MIS18BP1: variants seen among roughly 807,000 people sequenced by gnomAD.
The protein encoded by MIS18BP1 is mis18-binding protein 1.
MIS18BP1 carries 72 observed loss-of-function variants against 116.1 expected under a neutral mutation model. The ratio of observed to expected loss-of-function variants is 0.62; its 90% CI spans 0.51 to 0.75. The LOEUF is 0.75. Ranked by LOEUF, MIS18BP1 falls within the 30% of genes least tolerant of loss-of-function variation. MIS18BP1 has a pLI of 0.00. For synonymous variants in MIS18BP1, 386 were observed against 427.0 expected, an observed-to-expected ratio of 0.90 and a Z score of 1.18; for missense variants, 1,363 against 1,303.2, an observed-to-expected ratio of 1.05 and a Z score of -0.71.
At chr14:45,233,351 T>C (rs952134938) in intron 6 of MIS18BP1, among the ~76,000 whole-genome samples, 1 of 152,044 alleles carries the variant, frequency 6.6e-6, no homozygotes, top group Non-Finnish European at 1.5e-5. Flanking sequence ...ACAGAGGCAG[T>C]AGGAAGCATG....
intron 15 of MIS18BP1, 105 bp from the exon 16 acceptor site, chr14:45,204,558 T>A (rs1391428072): frequency 2.8e-6 from 2 of 714,534 alleles, no homozygotes; most frequent in East Asian, 5.7e-5. Context: ...TTTGAACATA[T>A]GCCTATAACA....
At chr14:45,219,340 TAA>T (rs1326809468) in intron 11 of MIS18BP1, among the ~76,000 whole-genome samples, 2 of 152,254 alleles carry the variant, frequency 1.3e-5, no homozygotes, top group Non-Finnish European at 1.5e-5. Context: ...TCCTGATTTA[TAA>T]AGTCTGATGA....
At chr14:45,206,909 C>T (rs1890534441) in intron 14 of MIS18BP1, among the ~76,000 whole-genome samples, 1 of 152,120 alleles carries the variant, frequency 6.6e-6, no homozygotes, top group Non-Finnish European at 1.5e-5. Context: ...TAAAGATATG[C>T]CTGGTGATTG....
intron 11 of MIS18BP1, among the ~76,000 whole-genome samples, chr14:45,221,156 A>C (rs932734937): frequency 2.0e-5 from 3 of 149,316 alleles, no homozygotes; most frequent in African/African-American, 7.4e-5. Flanking sequence ...AAAATAAAAG[A>C]AGCCGGGCGC....
chr14:45,214,979 G>C (rs1185168483), intron 13 of MIS18BP1, among the ~76,000 whole-genome samples: 2 of 152,198 alleles, frequency 1.3e-5, no homozygotes, highest in Non-Finnish European at 2.9e-5. Context: ...GCAAACTCCT[G>C]ATCTCAGGTG....
chr14:45,232,844 A>G lies in MIS18BP1; in HGVS notation c.1349-24T>C, dbSNP rs140851833. 704 of 1,049,490 alleles carry G rather than the reference A, an allele frequency of 6.7e-4. 4 individuals carry two copies. The African/African-American group carries it at 0.01, about 15-fold the overall frequency. 65.0% of individuals were successfully genotyped at this position (1,049,490 alleles called of 1,614,324 possible). A position where few individuals can be genotyped will look rare whatever the true frequency, so the allele number is the denominator to read the frequency against. The stretch of plus-strand genomic sequence containing the variant: ...TCCTATTTAAGGATAAACAACAACA[A>G]AAAGTATTTAAAAGCCTAGAATTTT... On this transcript the variant is annotated intron_variant, in intron 6 of 16. Coordinates refer to ENST00000310806, the MANE Select transcript of MIS18BP1 (RefSeq NM_018353.5).
At chr14:45,216,349 T>C (rs758688486) in intron 13 of MIS18BP1, among the ~76,000 whole-genome samples, 3 of 152,162 alleles carry the variant, frequency 2.0e-5, no homozygotes, top group Admixed American at 6.5e-5. Context: ...CAGTGGATAT[T>C]TTAACTTATT....
At chr14:45,218,168 A>G in intron 12 of MIS18BP1, 114 bp downstream of exon 12, 1 of 1,191,252 alleles carries the variant, frequency 8.4e-7, no homozygotes, top group Non-Finnish European at 1.2e-6. Context: ...CTAGCTTTAA[A>G]ATTTTAAGAA....
chr14:45,226,193 C>T (rs920794528), intron 10 of MIS18BP1, among the ~76,000 whole-genome samples: 3 of 152,062 alleles, frequency 2.0e-5, no homozygotes, highest in African/African-American at 7.2e-5. Context: ...AATATGAACT[C>T]GGAAGTATAA....
At chr14:45,252,647 G>T (rs1891909268) in intron 1 of MIS18BP1, among the ~76,000 whole-genome samples, 1 of 152,050 alleles carries the variant, frequency 6.6e-6, no homozygotes, top group Non-Finnish European at 1.5e-5. Flanking sequence ...CAACAAGCAT[G>T]CAATTTAACC....
chr14:45,233,405 C>T (rs1169137446), intron 6 of MIS18BP1, among the ~76,000 whole-genome samples: 2 of 151,958 alleles, frequency 1.3e-5, no homozygotes, highest in Non-Finnish European at 2.9e-5. Context: ...ATAGAACTGA[C>T]CATTTACTTT....
At chr14:45,238,453 G>A (rs891817760) in intron 4 of MIS18BP1, among the ~76,000 whole-genome samples, 1 of 152,140 alleles carries the variant, frequency 6.6e-6, no homozygotes, top group East Asian at 1.9e-4. Flanking sequence ...ATTCTCCAGT[G>A]GTAGTTTTAT....
Position 45,247,068 on chromosome 14 carries a change from A to G in MIS18BP1, c.219T>C (p.Asn73=). ...CTGTTAGCATAGTTGATTGAAATAT[A>G]TTTTTATTGTTAAAAGTTGTCATTT... ...FLKMTTFNNK[N]IFQSTMLTEA... is the part of the protein sequence containing the mutation. The change falls in exon 2 of 17, where the codon AAT becomes AAC. Residue 73 remains asparagine (N), a synonymous_variant. Transcript: ENST00000310806. 1 of 1,612,836 alleles carries G rather than the reference A, an allele frequency of 6.2e-7. No individual in the cohort carries two copies. Among genetic ancestry groups the G allele is most frequent in the Non-Finnish European group, 8.5e-7 (1 of 1,179,646 alleles).
rs745308469 is a variant in MIS18BP1 at position 45,242,155 on chromosome 14, T to G, written c.1022A>C (p.Lys341Thr). The change falls in exon 4 of 17, where the codon AAA becomes ACA. Residue 341 changes from lysine to threonine, a missense_variant. Physicochemically the swap from Lys to Thr is moderately conservative, Grantham distance 78. Transcript: ENST00000310806. ...AAGTCTTGGTGTTGCAAGTACAATT[T>G]TACATGTATCTTTCATGGAACCTGG... Reference protein sequence around the residue: ...GLPGSMKDTCKIVLATPRLHI... With the variant: ...GLPGSMKDTCTIVLATPRLHI... 6.2e-7 allele frequency: 1 copy of G among 1,614,024 alleles called. No homozygotes were observed. Among genetic ancestry groups the G allele is most frequent in the Non-Finnish European group, 8.5e-7 (1 of 1,180,016 alleles).
intron 8 of MIS18BP1, 90 bp from the exon 9 acceptor site, chr14:45,227,904 T>A: frequency 7.4e-7 from 1 of 1,349,568 alleles, no homozygotes; most frequent in South Asian, 1.3e-5. Context: ...ACGCTAGGTG[T>A]GGTGGCTCAC....
At chr14:45,215,431 A>T (rs74244134) in intron 13 of MIS18BP1, among the ~76,000 whole-genome samples, 11,904 of 151,546 alleles carry the variant, frequency 0.079, 617 homozygotes, top group South Asian at 0.16. Flanking sequence ...AATCTTAATA[A>T]TTTTTTTTTC....
chr14:45,205,861 G>A (rs973717981), intron 15 of MIS18BP1, among the ~76,000 whole-genome samples: 1 of 152,178 alleles, frequency 6.6e-6, no homozygotes, highest in South Asian at 2.1e-4. Flanking sequence ...AAAAATCAAA[G>A]TTTTTAGCCA....
intron 2 of MIS18BP1, among the ~76,000 whole-genome samples, 198 bp downstream of exon 2, chr14:45,246,545 C>T (rs1891726260): frequency 1.3e-5 from 2 of 152,190 alleles, no homozygotes; most frequent in Admixed American, 6.5e-5. Context: ...CCTCTTTCCA[C>T]TTTTCCTCTT....
At chr14:45,223,889 A>C (rs1037837864) in intron 11 of MIS18BP1, 29 bp downstream of exon 11, 2 of 1,479,544 alleles carry the variant, frequency 1.4e-6, no homozygotes, top group East Asian at 2.3e-5. Flanking sequence ...TGCTCTGTAG[A>C]TATTTCGGAA....
Sources: gnomAD v4.1 joint callset for allele counts (sites outside exome capture counted in the v4.1 genomes callset) on GRCh38, gnomAD v4.1.1 for gene constraint, MANE v1.5 for transcripts, NCBI Gene and HGNC (gene_info 2026-07-23, HGNC 2026-07-21) for gene names.